The following CFAP299 variants were observed in gnomAD, a reference collection of about 807,000 sequenced individuals.
CFAP299 encodes cilia- and flagella-associated protein 299.
A neutral mutation model predicts 27.0 loss-of-function variants in CFAP299; 21 were observed. That is an observed-to-expected ratio of 0.78 (90% CI 0.55 to 1.12). The LOEUF (loss-of-function observed/expected upper bound fraction) is 1.12. Ranked by LOEUF, CFAP299 falls within the 50% of genes most tolerant of loss-of-function variation. CFAP299 has a pLI of 0.00. For missense variants in CFAP299, 310 were observed against 276.6 expected (o/e 1.12, Z -0.86); for synonymous variants, 104 against 98.1 (o/e 1.06, Z -0.36).
chr4:80,946,200 A>G (rs183230903), intron 5 of CFAP299, among the ~76,000 whole-genome samples: 42 of 152,262 alleles, frequency 2.8e-4, no homozygotes, highest in Admixed American at 1.7e-3. Context: ...ACAGCTACAA[A>G]TATCAGAAAT....
intron 3 of CFAP299, among the ~76,000 whole-genome samples, chr4:80,599,404 A>G (rs1270813485): frequency 6.6e-6 from 1 of 152,126 alleles, no homozygotes; most frequent in Non-Finnish European, 1.5e-5. Flanking sequence ...CTTTACAGTT[A>G]TGTGCCTAAC....
rs185745868 is a variant in CFAP299, at chr4:80,584,070, A to C, written c.333+887A>C. Among the ~76,000 whole-genome samples the C allele has an allele frequency of 9.9e-5, 15 of 152,138 alleles. No individual in the cohort carries two copies. In the East Asian group the frequency reaches 2.5e-3, roughly 25 times the overall value. Reference sequence around the variant, plus strand: ...TCATACCATGTTTAGTTAATAGAATAGAATTAACCCCGACTTAAAATAAGG... The same window carrying C: ...TCATACCATGTTTAGTTAATAGAATCGAATTAACCCCGACTTAAAATAAGG... On this transcript the variant is annotated intron_variant, in intron 3 of 5. Transcript: ENST00000358105.
intron 3 of CFAP299, among the ~76,000 whole-genome samples, chr4:80,826,514 T>C (rs141802078): frequency 6.2e-4 from 94 of 151,822 alleles, no homozygotes; most frequent in African/African-American, 2.2e-3. Flanking sequence ...CAAGAATATA[T>C]AATAGTTATA....
At chr4:80,395,781 A>G (rs1230145316) in intron 2 of CFAP299, among the ~76,000 whole-genome samples, 1 of 152,174 alleles carries the variant, frequency 6.6e-6, no homozygotes. Flanking sequence ...CAAGCCCATG[A>G]AACTGCTCAT....
At chr4:80,739,990 C>T (rs980125491) in intron 3 of CFAP299, among the ~76,000 whole-genome samples, 1 of 152,060 alleles carries the variant, frequency 6.6e-6, no homozygotes, top group Non-Finnish European at 1.5e-5. Flanking sequence ...TAAACTCTAA[C>T]ATTTCTGCTT....
At chr4:80,541,468 A>G (rs17004939) in intron 2 of CFAP299, among the ~76,000 whole-genome samples, 19 of 152,204 alleles carry the variant, frequency 1.2e-4, no homozygotes, top group African/African-American at 4.6e-4. Context: ...ATATCATTTT[A>G]TATAGGATTA....
At chr4:80,882,536 G>A (rs987557152) in intron 4 of CFAP299, among the ~76,000 whole-genome samples, 1 of 152,020 alleles carries the variant, frequency 6.6e-6, no homozygotes, top group African/African-American at 2.4e-5. Context: ...TACTCCGGAG[G>A]CTGAGGCAGG....
chr4:80,340,203 G>C (rs1441850484), intron 1 of CFAP299, among the ~76,000 whole-genome samples: 2 of 152,190 alleles, frequency 1.3e-5, no homozygotes, highest in African/African-American at 4.8e-5. Flanking sequence ...GTGAGACAGA[G>C]CCAAAGGATC....
chr4:80,599,539 T>C (rs930865582), intron 3 of CFAP299, among the ~76,000 whole-genome samples: 2 of 152,118 alleles, frequency 1.3e-5, no homozygotes, highest in Admixed American at 6.6e-5. Context: ...GTCTAGAAAA[T>C]AGTTTTTAAA....
chr4:80,652,591 A>C (rs1198822571), intron 3 of CFAP299, among the ~76,000 whole-genome samples: 1 of 152,162 alleles, frequency 6.6e-6, no homozygotes, highest in African/African-American at 2.4e-5. Flanking sequence ...AATTAACTTT[A>C]ACAGTCACAA....
chr4:80,799,871 TA>T (rs1728272662), intron 3 of CFAP299, among the ~76,000 whole-genome samples: 1 of 32,930 alleles, frequency 3.0e-5, no homozygotes, highest in Admixed American at 5.8e-4. Flanking sequence ...ATATTATATA[TA>T]TTATATTATA....
intron 4 of CFAP299, chr4:80,872,905 G>T: frequency 1.0e-6 from 1 of 963,312 alleles, no homozygotes; most frequent in Non-Finnish European, 1.2e-6. Context: ...TCATCTCTCT[G>T]TGTGTAGTTC....
intron 2 of CFAP299, among the ~76,000 whole-genome samples, chr4:80,563,925 T>C (rs1020434489): frequency 4.0e-5 from 6 of 151,528 alleles, no homozygotes; most frequent in Non-Finnish European, 8.9e-5. Flanking sequence ...CAACTATGAG[T>C]TGGAAAATCT....
intron 4 of CFAP299, among the ~76,000 whole-genome samples, chr4:80,890,770 G>T (rs6817606): frequency 6.9e-6 from 1 of 145,878 alleles, no homozygotes; most frequent in Non-Finnish European, 1.5e-5. Flanking sequence ...GTGTGAGATG[G>T]TATCTCATAG....
At chr4:80,410,007 A>G (rs2110059705) in intron 2 of CFAP299, among the ~76,000 whole-genome samples, 1 of 152,292 alleles carries the variant, frequency 6.6e-6, no homozygotes, top group East Asian at 1.9e-4. Context: ...GATGTAAGGA[A>G]TGGGGACTAG....
At chr4:80,783,877 C>T (rs1248269421) in intron 3 of CFAP299, among the ~76,000 whole-genome samples, 2 of 152,030 alleles carry the variant, frequency 1.3e-5, no homozygotes, top group East Asian at 1.9e-4. Context: ...AGAAGTCAAC[C>T]CAGTTCATAA....
chr4:80,568,609 T>A (rs1317584942), intron 2 of CFAP299, among the ~76,000 whole-genome samples: 3 of 152,112 alleles, frequency 2.0e-5, no homozygotes, highest in Admixed American at 6.6e-5. Context: ...ATGTTATATA[T>A]TATAGTAACA....
At chr4:80,910,429 C>T (rs1735408570) in intron 4 of CFAP299, among the ~76,000 whole-genome samples, 1 of 152,092 alleles carries the variant, frequency 6.6e-6, no homozygotes, top group Non-Finnish European at 1.5e-5. Flanking sequence ...ACCTAAATGT[C>T]TATCAACCAC....
At chr4:80,336,677 A>C (rs1722163081) in intron 1 of CFAP299, 2 of 152,230 alleles carry the variant, frequency 1.3e-5, no homozygotes, top group African/African-American at 4.8e-5. Context: ...TGGGAGGCGG[A>C]CGATGGCTCC....
Sources: allele counts gnomAD v4.1 joint callset (sites outside exome capture counted in the v4.1 genomes callset), GRCh38; gene constraint gnomAD v4.1.1; transcripts MANE v1.5; gene names NCBI Gene and HGNC (gene_info 2026-07-23, HGNC 2026-07-21).